The following EXOC2 variants were observed in gnomAD, a reference collection of about 807,000 sequenced individuals.
The protein encoded by EXOC2 is exocyst complex component 2, also known as SEC5-like 1.
EXOC2 carries 70 observed loss-of-function variants against 131.8 expected under a neutral mutation model. That is an observed-to-expected ratio of 0.53 (90% CI 0.44 to 0.65). EXOC2 has a LOEUF of 0.65. EXOC2 is among the 30% of genes least tolerant of loss of function. EXOC2 has a pLI of 0.00. For missense variants in EXOC2, 923 were observed against 1,108.6 expected (o/e 0.83, Z 2.38); for synonymous variants, 411 against 398.4 (o/e 1.03, Z -0.38).
chr6:518,379 C>G (rs775492003), intron 23 of EXOC2, among the ~76,000 whole-genome samples: 21 of 152,154 alleles, frequency 1.4e-4, no homozygotes, highest in Non-Finnish European at 2.8e-4. Context: ...CTCAAAATTT[C>G]CATAACCAAA....
chr6:534,255 A>T (rs998326393), intron 22 of EXOC2, among the ~76,000 whole-genome samples: 5 of 152,212 alleles, frequency 3.3e-5, no homozygotes, highest in Non-Finnish European at 5.9e-5. Flanking sequence ...GATAGAGAAA[A>T]GGTATTCATT....
At chr6:573,843 G>A (rs370451561) in intron 12 of EXOC2, among the ~76,000 whole-genome samples, 27 of 152,176 alleles carry the variant, frequency 1.8e-4, no homozygotes, top group East Asian at 7.7e-4. Context: ...GTTCCCAGCC[G>A]GAAGAAACCA....
At chr6:494,279 A>G (rs1205424709) in intron 25 of EXOC2, among the ~76,000 whole-genome samples, 2 of 152,216 alleles carry the variant, frequency 1.3e-5, no homozygotes, top group Non-Finnish European at 2.9e-5. Context: ...TTTCAAATGT[A>G]TGGAGGCTCT....
At chr6:508,540 C>A (rs1698932062) in intron 23 of EXOC2, among the ~76,000 whole-genome samples, 2 of 152,198 alleles carry the variant, frequency 1.3e-5, no homozygotes, top group Non-Finnish European at 2.9e-5. Context: ...TGGAATCACA[C>A]AATATGCAGC....
intron 27 of EXOC2, 80 bp downstream of exon 27, chr6:488,899 T>C: frequency 9.2e-6 from 13 of 1,415,892 alleles, no homozygotes; most frequent in Non-Finnish European, 1.3e-5. Flanking sequence ...TCCAAATCAT[T>C]ATTTTTAAAA....
chr6:598,768 T>TA, intron 9 of EXOC2, 92 bp downstream of exon 9: 1 of 1,033,996 alleles, frequency 9.7e-7, no homozygotes, highest in Non-Finnish European at 1.4e-6. Context: ...AAACAAAAAC[T>TA]AAAAACTCAT....
Position 637,795 on chromosome 6 carries a change from G to C in EXOC2, c.24C>G (p.Pro8=), listed in dbSNP as rs148665259. The C allele has an allele frequency of 1.1e-3, 1,773 of 1,613,802 alleles. 4 individuals are homozygous for C. Among genetic ancestry groups the C allele is most frequent in the Middle Eastern group, 7.9e-3 (48 of 6,058 alleles). The change falls in exon 2 of 28, where the codon CCC becomes CCG. Residue 8 remains proline, a synonymous_variant. Transcript: ENST00000230449. ...CATTTGGAGAGATGCCGGTCACAAG[G>C]GGGGGTTGTCGTGATCGAGACATTG... is the stretch of plus-strand genomic sequence containing the variant. MSRSRQP[P]LVTGISPNEG...
chr6:615,033 A>G (rs1467660092), intron 6 of EXOC2, among the ~76,000 whole-genome samples: 2 of 152,216 alleles, frequency 1.3e-5, no homozygotes, highest in African/African-American at 4.8e-5. Flanking sequence ...CTAAACAGAT[A>G]ACGAAAGGGC....
intron 6 of EXOC2, among the ~76,000 whole-genome samples, chr6:612,135 T>A (rs1760746819): frequency 6.6e-6 from 1 of 152,230 alleles, no homozygotes; most frequent in African/African-American, 2.4e-5. Context: ...CTAGCCTGTG[T>A]GAGACAGGAA....
At chr6:613,442 A>G (rs1760817313) in intron 6 of EXOC2, among the ~76,000 whole-genome samples, 1 of 151,646 alleles carries the variant, frequency 6.6e-6, no homozygotes. Flanking sequence ...ATGATGTAAA[A>G]AAAAGAAAGA....
chr6:613,871 T>TA (rs1397255929), intron 6 of EXOC2, among the ~76,000 whole-genome samples: 2 of 151,560 alleles, frequency 1.3e-5, no homozygotes, highest in Admixed American at 6.6e-5. Flanking sequence ...CCCTAAAACT[T>TA]AAAGTATAAT....
At chr6:662,521 A>T (rs1763467527) in intron 1 of EXOC2, among the ~76,000 whole-genome samples, 1 of 152,252 alleles carries the variant, frequency 6.6e-6, no homozygotes, top group African/African-American at 2.4e-5. Context: ...CCATGCAAAT[A>T]CATGGAAATT....
At chr6:684,584 A>G (rs748616392) in intron 1 of EXOC2, among the ~76,000 whole-genome samples, 2 of 152,216 alleles carry the variant, frequency 1.3e-5, no homozygotes, top group African/African-American at 2.4e-5. Context: ...CCTTTAATGA[A>G]GCATACAGGG....
chr6:602,365 C>T (rs1760143842), intron 7 of EXOC2, among the ~76,000 whole-genome samples: 1 of 11,650 alleles, frequency 8.6e-5, no homozygotes, highest in African/African-American at 5.3e-4. Context: ...ACCCCGTGTG[C>T]GAATCCACAC....
At chr6:661,676 C>G (rs569457385) in intron 1 of EXOC2, among the ~76,000 whole-genome samples, 19 of 152,232 alleles carry the variant, frequency 1.2e-4, no homozygotes, top group African/African-American at 4.6e-4. Context: ...CACAACAAAA[C>G]AGAACCTCTT....
At chr6:508,130 A>C (rs1370012435) in intron 23 of EXOC2, among the ~76,000 whole-genome samples, 1 of 152,162 alleles carries the variant, frequency 6.6e-6, no homozygotes, top group Non-Finnish European at 1.5e-5. Flanking sequence ...CAATTTTTTA[A>C]TTGACTATAC....
chr6:551,200 G>C (rs1757125065), intron 21 of EXOC2, among the ~76,000 whole-genome samples: 1 of 152,186 alleles, frequency 6.6e-6, no homozygotes, highest in African/African-American at 2.4e-5. Flanking sequence ...GATTATTTCA[G>C]TGATCCCCCA....
chr6:491,556 C>T (rs2127468719), intron 25 of EXOC2, among the ~76,000 whole-genome samples: 1 of 152,390 alleles, frequency 6.6e-6, no homozygotes, highest in Non-Finnish European at 1.5e-5. Flanking sequence ...CCTGAAAGGG[C>T]CCGTGTCCCA....
At chr6:545,927 A>C (rs1053060232) in intron 22 of EXOC2, among the ~76,000 whole-genome samples, 1 of 152,236 alleles carries the variant, frequency 6.6e-6, no homozygotes, top group African/African-American at 2.4e-5. Context: ...AGTACTCATG[A>C]TAGAATATAT....
Sources: allele counts gnomAD v4.1 joint callset (sites outside exome capture counted in the v4.1 genomes callset), GRCh38; gene constraint gnomAD v4.1.1; transcripts MANE v1.5; gene names NCBI Gene and HGNC (gene_info 2026-07-23, HGNC 2026-07-21).